ARHGEF28: variants seen among roughly 807,000 people sequenced by gnomAD.
ARHGEF28 encodes Rho guanine nucleotide exchange factor 28.
In ARHGEF28, 152 loss-of-function variants were observed where a neutral mutation model predicts 206.6. That is an observed-to-expected ratio of 0.74 (90% confidence interval 0.64 to 0.84). The LOEUF is 0.84. Among genes scored for constraint, ARHGEF28 ranks in the 40% least tolerant of loss-of-function variants. ARHGEF28 has a pLI of 0.00. For synonymous variants in ARHGEF28, 763 were observed against 776.4 expected, an observed-to-expected ratio of 0.98 and a Z score of 0.29; for missense variants, 2,028 against 2,073.2, an observed-to-expected ratio of 0.98 and a Z score of 0.42.
chr5:73,752,201 A>G (rs1246007932), intron 3 of ARHGEF28, among the ~76,000 whole-genome samples: 1 of 152,168 alleles, frequency 6.6e-6, no homozygotes, highest in African/African-American at 2.4e-5. Flanking sequence ...CCTGGGTAAG[A>G]GCTTCCCAGC....
At chr5:73,651,830 A>G (rs964800091) in intron 1 of ARHGEF28, among the ~76,000 whole-genome samples, 2 of 152,154 alleles carry the variant, frequency 1.3e-5, no homozygotes, top group African/African-American at 4.8e-5. Flanking sequence ...TTATGGCTCA[A>G]TTCTTGCAAG....
At chr5:73,848,313 A>T (rs1368528047) in intron 12 of ARHGEF28, among the ~76,000 whole-genome samples, 1 of 152,190 alleles carries the variant, frequency 6.6e-6, no homozygotes, top group African/African-American at 2.4e-5. Flanking sequence ...AATTGGGACA[A>T]CAGGAACAAA....
intron 7 of ARHGEF28, 185 bp from the exon 8 acceptor site, chr5:73,794,217 G>A (rs912665466): frequency 9.7e-6 from 5 of 516,338 alleles, no homozygotes; most frequent in East Asian, 3.3e-5. Flanking sequence ...TAATACCAGA[G>A]TATGGACAGT....
intron 2 of ARHGEF28, among the ~76,000 whole-genome samples, chr5:73,689,735 C>A (rs1747695581): frequency 6.6e-6 from 1 of 150,796 alleles, no homozygotes; most frequent in Admixed American, 6.6e-5. Context: ...GAAGGAGCAG[C>A]ACTGGAAGGC....
At position 73,626,306 on chromosome 5, in the gene ARHGEF28, C is replaced by G. The variant is rs1307964765; in HGVS notation, c.-28C>G. The G allele has an allele frequency of 6.6e-6, 1 of 152,132 alleles. No homozygotes were observed. Among genetic ancestry groups the G allele is most frequent in the Non-Finnish European group, 1.5e-5 (1 of 68,050 alleles). The allele number at this position is 152,132 out of a possible 1,614,324, so 9.4% of individuals were successfully genotyped here. On this transcript the variant is annotated 5_prime_UTR_variant, in exon 1 of 36. Transcript: ENST00000513042. ...AGCCTCGCCTGGGTTCTGGAGGCTG[C>G]GGGGCCATCGCTCCAGGTAAATGCT...
chr5:73,667,954 C>A (rs1476186959), intron 1 of ARHGEF28, among the ~76,000 whole-genome samples: 2 of 152,260 alleles, frequency 1.3e-5, no homozygotes, highest in East Asian at 3.9e-4. Flanking sequence ...GTTTTTAATA[C>A]CTTGTTCCTC....
chr5:73,643,857 C>T (rs1413205557), intron 1 of ARHGEF28, among the ~76,000 whole-genome samples: 2 of 151,730 alleles, frequency 1.3e-5, no homozygotes, highest in Non-Finnish European at 2.9e-5. Context: ...TTTCTGGTCA[C>T]GATTACCATG....
At chr5:73,822,345 A>G (rs1446833153) in intron 9 of ARHGEF28, among the ~76,000 whole-genome samples, 2 of 152,162 alleles carry the variant, frequency 1.3e-5, no homozygotes, top group African/African-American at 2.4e-5. Context: ...ATGAGGGTGA[A>G]TTGGGTATTT....
At position 73,796,410 on chromosome 5, in the gene ARHGEF28, A is replaced by G. The variant is rs144695358; in HGVS notation, c.1024+1019A>G. Among the ~76,000 whole-genome samples, 679 of 152,358 alleles carry G rather than the reference A, an allele frequency of 4.5e-3. 1 individual carries two copies. The highest frequency in any genetic ancestry group is 6.7e-3 in the Non-Finnish European group (457 of 68,034). On this transcript the variant is annotated intron_variant, in intron 9 of 35. Transcript: ENST00000513042. ...ATGTGAAATCAGGAAAAGCTAAATCAATGCTCAGAGTGAGATTAATGGAGA... is the reference window on the plus strand; with the variant it reads ...ATGTGAAATCAGGAAAAGCTAAATCGATGCTCAGAGTGAGATTAATGGAGA...
intron 35 of ARHGEF28, among the ~76,000 whole-genome samples, chr5:73,918,128 G>C (rs1018234710): frequency 3.3e-5 from 5 of 152,198 alleles, no homozygotes; most frequent in Non-Finnish European, 7.3e-5. Context: ...GAGTACCATT[G>C]ATTTATGTTT....
intron 7 of ARHGEF28, among the ~76,000 whole-genome samples, chr5:73,782,391 T>A (rs1300349816): frequency 5.3e-5 from 8 of 152,098 alleles, no homozygotes; most frequent in Non-Finnish European, 1.0e-4. Context: ...TGAGCTGAGA[T>A]TGCGCCACTG....
chr5:73,645,054 A>C (rs1260995336), intron 1 of ARHGEF28, among the ~76,000 whole-genome samples: 2 of 152,186 alleles, frequency 1.3e-5, no homozygotes, highest in Admixed American at 1.3e-4. Context: ...TTCAATCCTC[A>C]ACAATTCTGG....
chr5:73,918,001 A>T (rs1168119697), intron 35 of ARHGEF28, among the ~76,000 whole-genome samples: 2 of 152,170 alleles, frequency 1.3e-5, no homozygotes, highest in Non-Finnish European at 2.9e-5. Flanking sequence ...ATCCGGCTTC[A>T]GCAAAGGAAA....
intron 10 of ARHGEF28, among the ~76,000 whole-genome samples, chr5:73,834,787 T>C (rs897207287): frequency 1.3e-5 from 2 of 152,160 alleles, no homozygotes; most frequent in Non-Finnish European, 2.9e-5. Flanking sequence ...TTAGGAGAAA[T>C]AGGCTATACC....
At chr5:73,771,756 T>C (rs951065809) in intron 4 of ARHGEF28, among the ~76,000 whole-genome samples, 31 of 152,310 alleles carry the variant, frequency 2.0e-4, no homozygotes, top group Admixed American at 4.6e-4. Context: ...GCTGGGAATC[T>C]AAAAACAAAA....
chr5:73,716,746 A>G (rs1291191877), intron 2 of ARHGEF28, among the ~76,000 whole-genome samples: 2 of 152,196 alleles, frequency 1.3e-5, no homozygotes, highest in Non-Finnish European at 2.9e-5. Context: ...GATGAAGGCA[A>G]TTTGAAGGAT....
intron 4 of ARHGEF28, among the ~76,000 whole-genome samples, chr5:73,763,332 G>A (rs1422970522): frequency 6.6e-6 from 1 of 152,138 alleles, no homozygotes; most frequent in African/African-American, 2.4e-5. Flanking sequence ...CCCAAAGAGT[G>A]TAATATTTCT....
chr5:73,860,049 G>GAAACCTT (rs1384747620), intron 16 of ARHGEF28, among the ~76,000 whole-genome samples: 1 of 152,150 alleles, frequency 6.6e-6, no homozygotes, highest in Non-Finnish European at 1.5e-5. Flanking sequence ...CTGTTTCCAG[G>GAAACCTT]TCGACATCTC....
intron 16 of ARHGEF28, among the ~76,000 whole-genome samples, chr5:73,864,108 A>G (rs1400017615): frequency 9.9e-5 from 15 of 152,048 alleles, no homozygotes. Context: ...GTGGGAGGGG[A>G]AAGGACCCAA....
Sources: gnomAD v4.1 joint callset for allele counts (sites outside exome capture counted in the v4.1 genomes callset) on GRCh38, gnomAD v4.1.1 for gene constraint, MANE v1.5 for transcripts, NCBI Gene and HGNC (gene_info 2026-07-23, HGNC 2026-07-21) for gene names.